Variants in SLMAP observed in about 807,000 individuals in gnomAD.
SLMAP encodes sarcolemma associated protein.
In SLMAP, 44 loss-of-function variants were observed where a neutral mutation model predicts 128.8. The ratio of observed to expected loss-of-function variants is 0.34; its 90% CI spans 0.27 to 0.44. The LOEUF is 0.44. SLMAP is among the 20% of genes least tolerant of loss of function. SLMAP has a pLI of 1.00. For missense variants in SLMAP, 787 were observed against 985.3 expected (o/e 0.80, Z 2.69); for synonymous variants, 327 against 348.8 (o/e 0.94, Z 0.70).
intron 4 of SLMAP, 147 bp from the exon 5 acceptor site, chr3:57,847,050 T>C: frequency 1.7e-6 from 1 of 583,842 alleles, no homozygotes; most frequent in South Asian, 2.5e-5. Flanking sequence ...TTTATACATT[T>C]ATGAAGGATT....
intron 10 of SLMAP, 30 bp downstream of exon 10, chr3:57,862,116 TA>T: frequency 6.6e-7 from 1 of 1,523,088 alleles, no homozygotes; most frequent in Non-Finnish European, 9.1e-7. Flanking sequence ...GAAAGTATGT[TA>T]AGCTAATAAT....
Position 57,927,402 on chromosome 3 carries a change from G to A in SLMAP, c.*113G>A. The A allele has an allele frequency of 1.3e-6, 2 of 1,510,504 alleles. No individual in the cohort carries two copies. The highest frequency in any genetic ancestry group is 1.8e-6 in the Non-Finnish European group (2 of 1,096,630). The allele number at this position is 1,510,504 out of a possible 1,614,324, so 93.6% of individuals were successfully genotyped here. On this transcript the variant is annotated 3_prime_UTR_variant, in exon 25 of 25. Coordinates refer to ENST00000671191, the MANE Select transcript of SLMAP (RefSeq NM_001377540.1). ...GCTTCTCCATGAGAGCGTTCCTTGA[G>A]TCCGTACACCGTCCTCCCTCTAGAA...
intron 14 of SLMAP, among the ~76,000 whole-genome samples, chr3:57,879,423 G>A (rs2095674611): frequency 6.6e-6 from 1 of 152,100 alleles, no homozygotes; most frequent in African/African-American, 2.4e-5. Flanking sequence ...AAATTCAAGA[G>A]TGTTCATAGC....
chr3:57,819,412 A>G (rs1313406496), intron 2 of SLMAP, among the ~76,000 whole-genome samples: 1 of 152,186 alleles, frequency 6.6e-6, no homozygotes, highest in African/African-American at 2.4e-5. Context: ...GGGCAGGTGT[A>G]CTATTTATGT....
chr3:57,775,911 C>G (rs1370059640), intron 2 of SLMAP, among the ~76,000 whole-genome samples: 1 of 152,166 alleles, frequency 6.6e-6, no homozygotes, highest in Non-Finnish European at 1.5e-5. Flanking sequence ...GTTGGCCAGG[C>G]TGGTCTCAAA....
intron 14 of SLMAP, among the ~76,000 whole-genome samples, chr3:57,877,583 G>A (rs1177043266): frequency 6.6e-6 from 1 of 152,054 alleles, no homozygotes; most frequent in East Asian, 1.9e-4. Context: ...TCTCAGAGTG[G>A]TTTATTCAAT....
rs769226967 is a variant in SLMAP at position 57,862,093 on chromosome 3, A to C, written c.966+7A>C. On this transcript the variant is annotated splice_region_variant and intron_variant, in intron 10 of 24. Coordinates refer to ENST00000671191, the MANE Select transcript of SLMAP (RefSeq NM_001377540.1). The stretch of plus-strand genomic sequence containing the variant: ...TTTATCTGATAAATTAAAGGTATGT[A>C]TTTACTCTGCCTGAAAGTATGTTAA... 1 of 1,557,106 alleles carries C rather than the reference A, an allele frequency of 6.4e-7. No individual in the cohort carries two copies. Among genetic ancestry groups the C allele is most frequent in the Admixed American group, 1.7e-5 (1 of 58,810 alleles).
intron 15 of SLMAP, among the ~76,000 whole-genome samples, chr3:57,894,584 T>C (rs1387101520): frequency 6.6e-6 from 1 of 152,180 alleles, no homozygotes; most frequent in African/African-American, 2.4e-5. Context: ...AAAGAAGATA[T>C]ATACATATAC....
chr3:57,910,799 GA>G (rs1366473224), intron 19 of SLMAP, among the ~76,000 whole-genome samples: 3 of 152,200 alleles, frequency 2.0e-5, no homozygotes, highest in Non-Finnish European at 4.4e-5. Context: ...TAGCTTGAGA[GA>G]TAGGTGGGGA....
At position 57,757,609 on chromosome 3, in the gene SLMAP, C is replaced by T. The variant is rs199799777; in HGVS notation, c.-43C>T. The T allele has an allele frequency of 5.0e-6, 8 of 1,598,544 alleles. No individual in the cohort carries two copies. The East Asian group carries it at 1.3e-4, about 27-fold the overall frequency. On this transcript the variant is annotated 5_prime_UTR_variant, in exon 2 of 25. Coordinates refer to ENST00000671191, the MANE Select transcript of SLMAP (RefSeq NM_001377540.1). ...AGGGCAGTCCGGATCCGGAGGAACT[C>T]CTCTTTGTCCCTGGTAGGAGAGACA...
Position 57,819,507 on chromosome 3 carries a change from G to A in SLMAP, c.199-11876G>A, listed in dbSNP as rs557270189. 9.9e-5 allele frequency among the ~76,000 whole-genome samples: 15 copies of A among 152,088 alleles called. No individual in the cohort carries two copies. The South Asian group carries it at 2.9e-3, about 29-fold the overall frequency. ...TTCCCCCCCACAAATAAGATGCATA[G>A]TCCTATGATTTTCCAATTTTACCAA... On this transcript the variant is annotated intron_variant, in intron 2 of 24. Coordinates refer to ENST00000671191, the MANE Select transcript of SLMAP (RefSeq NM_001377540.1).
chr3:57,923,531 T>G (rs3773016), intron 23 of SLMAP, among the ~76,000 whole-genome samples: 17,477 of 151,708 alleles, frequency 0.12, 1,106 homozygotes, highest in South Asian at 0.16. Flanking sequence ...GAGAGAGAGA[T>G]GAACATTTTG....
intron 2 of SLMAP, chr3:57,799,995 C>G (rs1418629668): frequency 1.3e-5 from 2 of 152,214 alleles, no homozygotes; most frequent in African/African-American, 4.8e-5. Flanking sequence ...TGTGATTGCA[C>G]CACTGCAATC....
At chr3:57,834,518 A>G (rs1204651059) in intron 3 of SLMAP, among the ~76,000 whole-genome samples, 1 of 152,188 alleles carries the variant, frequency 6.6e-6, no homozygotes, top group East Asian at 1.9e-4. Context: ...ATGTTTTCCT[A>G]GCAAAATTAT....
At chr3:57,906,300 C>CTTTTTTTTTTTTTTTT (rs112949836) in intron 17 of SLMAP, among the ~76,000 whole-genome samples, 3 of 71,284 alleles carry the variant, frequency 4.2e-5, no homozygotes, top group Non-Finnish European at 5.6e-5. Flanking sequence ...AAATTTTTTT[C>CTTTTTTTTTTTTTTTT]TTTTTTTTTC....
chr3:57,790,537 A>C (rs1255597366), intron 2 of SLMAP, among the ~76,000 whole-genome samples: 1 of 151,960 alleles, frequency 6.6e-6, no homozygotes, highest in Non-Finnish European at 1.5e-5. Flanking sequence ...AATTCTACCT[A>C]ATTTTATGTT....
intron 21 of SLMAP, among the ~76,000 whole-genome samples, chr3:57,914,336 A>G (rs1215771474): frequency 2.0e-5 from 3 of 152,136 alleles, no homozygotes; most frequent in African/African-American, 7.2e-5. Flanking sequence ...GGGGACTGCA[A>G]TAAGCCATGA....
At chr3:57,851,537 A>G (rs1369119839) in intron 6 of SLMAP, among the ~76,000 whole-genome samples, 2 of 151,814 alleles carry the variant, frequency 1.3e-5, no homozygotes, top group South Asian at 4.2e-4. Context: ...CACTGGCGCA[A>G]TCTAGGCTCA....
intron 19 of SLMAP, among the ~76,000 whole-genome samples, chr3:57,911,753 G>A (rs1222550171): frequency 6.6e-6 from 1 of 151,982 alleles, no homozygotes; most frequent in Non-Finnish European, 1.5e-5. Context: ...GGAAAATAAA[G>A]CAGAGTAAAG....
Sources: allele counts gnomAD v4.1 joint callset (sites outside exome capture counted in the v4.1 genomes callset), GRCh38; gene constraint gnomAD v4.1.1; transcripts MANE v1.5; gene names NCBI Gene and HGNC (gene_info 2026-07-23, HGNC 2026-07-21).